Variants in FAT2 observed in about 807,000 individuals in gnomAD.
FAT2 encodes protocadherin Fat 2.
Under a neutral mutation model 295.3 loss-of-function variants are expected in FAT2, and 150 were observed. The ratio of observed to expected loss-of-function variants is 0.51; its 90% CI spans 0.44 to 0.58. The LOEUF is 0.58. Ranked by LOEUF, FAT2 falls within the 20% of genes least tolerant of loss-of-function variation. The pLI is 0.00. For missense variants in FAT2, 4,868 were observed against 5,442.7 expected (o/e 0.89, Z 3.32); for synonymous variants, 2,026 against 2,150.3 (o/e 0.94, Z 1.60).
Position 151,510,047 on chromosome 5 carries a change from G to C in FAT2, c.12033C>G (p.Asn4011Lys). The C allele has an allele frequency of 6.2e-7, 1 of 1,614,140 alleles. No individual in the cohort carries two copies. The highest frequency in any genetic ancestry group is 8.5e-7 in the Non-Finnish European group (1 of 1,180,020). The change falls in exon 22 of 24, where the codon AAC (asparagine) becomes AAG (lysine). Residue 4011 changes from asparagine (N) to lysine (K), a missense_variant. Coordinates refer to ENST00000261800, the MANE Select transcript of FAT2 (RefSeq NM_001447.3). ...CILSPKGASC[N>K]CPHPYTGDRC... Reference sequence around the variant, plus strand: ...TGTCTCCTGTGTAAGGATGAGGGCAGTTACAGGAAGCTCCTTTGGGGGAGA... The same window carrying C: ...TGTCTCCTGTGTAAGGATGAGGGCACTTACAGGAAGCTCCTTTGGGGGAGA...
chr5:151,529,817 A>C (rs574826492), intron 14 of FAT2, among the ~76,000 whole-genome samples: 1 of 152,330 alleles, frequency 6.6e-6, no homozygotes, highest in East Asian at 1.9e-4. Flanking sequence ...TCAGGGCATA[A>C]AATGAGATTC....
At chr5:151,528,518 T>C (rs530946357) in intron 15 of FAT2, among the ~76,000 whole-genome samples, 1 of 152,326 alleles carries the variant, frequency 6.6e-6, no homozygotes, top group Admixed American at 6.5e-5. Context: ...AAAGGACTCA[T>C]GAAGCCCTGA....
At position 151,550,831 on chromosome 5, in the gene FAT2, G is replaced by A. The variant is rs752804582; in HGVS notation, c.4337C>T (p.Pro1446Leu). The change falls in exon 8 of 24, where the codon CCC (proline) becomes CTC (leucine). Residue 1446 changes from proline to leucine, a missense_variant. Pro to Leu is a moderately conservative substitution (Grantham distance 98). This residue lies in a region of FAT2 where 3,297 missense variants were observed against 3,669.4 expected (regional missense o/e 0.90). Transcript: ENST00000261800. Reference protein sequence around the residue: ...FMIANINHHRPQFLETRYEVR... With the variant: ...FMIANINHHRLQFLETRYEVR... ...TTCATAACGAGTTTCCAGAAACTGG[G>A]GCCGATGGTGGTTAATGTTGGCAAT... The A allele has an allele frequency of 6.2e-7, 1 of 1,613,510 alleles. No homozygotes were observed. Among genetic ancestry groups the A allele is most frequent in the African/African-American group, 1.3e-5 (1 of 74,858 alleles).
intron 1 of FAT2, among the ~76,000 whole-genome samples, chr5:151,590,947 G>A (rs1386306145): frequency 1.3e-5 from 2 of 152,212 alleles, no homozygotes; most frequent in African/African-American, 2.4e-5. Context: ...CCGATCCCCA[G>A]CCGCGGACTG....
Position 151,553,158 on chromosome 5 carries a change from G to T in FAT2, c.4156+19C>A, listed in dbSNP as rs2127626565. ...GATGGGAGGGGTTGGCCCTTGTTGG[G>T]CCCTAGGCCTTGCCTCACCTGAGAT... On this transcript the variant is annotated intron_variant, in intron 6 of 23. Coordinates refer to ENST00000261800, the MANE Select transcript of FAT2 (RefSeq NM_001447.3). 6.2e-7 allele frequency: 1 copy of T among 1,612,982 alleles called. No homozygotes were observed. The highest frequency in any genetic ancestry group is 8.5e-7 in the Non-Finnish European group (1 of 1,178,928).
At chr5:151,581,342 AG>A (rs570434994) in intron 1 of FAT2, among the ~76,000 whole-genome samples, 10 of 152,342 alleles carry the variant, frequency 6.6e-5, no homozygotes, top group African/African-American at 1.9e-4. Flanking sequence ...CAGGGACCTC[AG>A]CCCCTACTCC....
rs887335259 is a variant in FAT2 at position 151,505,391 on chromosome 5, A to G, written c.*174T>C. 25 of 742,530 alleles carry G rather than the reference A, an allele frequency of 3.4e-5. No individual in the cohort carries two copies. The highest frequency in any genetic ancestry group is 4.8e-5 in the Non-Finnish European group (22 of 460,058). 46.0% of individuals were successfully genotyped at this position (742,530 alleles called of 1,614,324 possible). ...GGAGCTCTATCCTCAGCTTCCCTCC[A>G]CCCTCAGGGACTAGGTGGGGGATTG... On this transcript the variant is annotated 3_prime_UTR_variant, in exon 24 of 24. Transcript: ENST00000261800.
intron 12 of FAT2, among the ~76,000 whole-genome samples, chr5:151,537,246 AAGG>A (rs368053710): frequency 5.3e-5 from 8 of 151,346 alleles, no homozygotes; most frequent in East Asian, 1.9e-4. Flanking sequence ...GAAGAAGAAA[AAGG>A]AGAATAATAA....
chr5:151,546,356 C>T lies in FAT2; in HGVS notation c.4790-19G>A. 1 of 1,595,474 alleles carries T rather than the reference C, an allele frequency of 6.3e-7. No homozygotes were observed. The highest frequency in any genetic ancestry group is 8.5e-7 in the Non-Finnish European group (1 of 1,169,652). On this transcript the variant is annotated intron_variant, in intron 9 of 23. Transcript: ENST00000261800. ...CTGTTCCCTGAAACAGAAGACAAGA[C>T]AAACAAGTTTGCCACACCCTCGACA...
At chr5:151,577,141 T>C (rs376037635) in intron 1 of FAT2, among the ~76,000 whole-genome samples, 69 of 152,344 alleles carry the variant, frequency 4.5e-4, no homozygotes, top group Admixed American at 1.7e-3. Context: ...ATTTTTAATT[T>C]ATGACTTCAT....
In FAT2 at chr5:151,566,721, T is replaced by C; in HGVS notation, c.2211A>G (p.Leu737=). The change falls in exon 2 of 24, where the codon CTA becomes CTG. Residue 737 remains leucine, a synonymous_variant. Coordinates refer to ENST00000261800, the MANE Select transcript of FAT2 (RefSeq NM_001447.3). ...SVPINTPLAR[L]AATDPDAGFN... Reference sequence around the variant, plus strand: ...AACCAGCATCAGGGTCAGTGGCTGCTAGGCGGGCCAAGGGGGTGTTGATAG... The same window carrying C: ...AACCAGCATCAGGGTCAGTGGCTGCCAGGCGGGCCAAGGGGGTGTTGATAG... The C allele has an allele frequency of 6.2e-7, 1 of 1,614,140 alleles. No individual in the cohort carries two copies. The highest frequency in any genetic ancestry group is 8.5e-7 in the Non-Finnish European group (1 of 1,180,022).
Position 151,537,938 on chromosome 5 carries a change from A to G in FAT2, c.9048T>C (p.Tyr3016=), listed in dbSNP as rs761214567. ...DNSPQCSQLL[Y]TGKVHEDVFP... ...ATACATCTTCATGAACCTTGCCAGTATAGAGAAGCTAGAGATGGAAAGACA... is the reference window on the plus strand; with the variant it reads ...ATACATCTTCATGAACCTTGCCAGTGTAGAGAAGCTAGAGATGGAAAGACA... Residue 3016 remains tyrosine, a synonymous_variant, in exon 12 of 24, where the codon TAT becomes TAC. Transcript: ENST00000261800. 3 of 1,613,958 alleles carry G rather than the reference A, an allele frequency of 1.9e-6. No homozygotes were observed. Among genetic ancestry groups the G allele is most frequent in the South Asian group, 1.1e-5 (1 of 91,002 alleles).
intron 3 of FAT2, 38 bp from the exon 4 acceptor site, chr5:151,556,440 G>T: frequency 6.8e-7 from 1 of 1,475,368 alleles, no homozygotes; most frequent in South Asian, 1.2e-5. Context: ...ATGAGCAGAA[G>T]ACTTTCAGGG....
intron 22 of FAT2, among the ~76,000 whole-genome samples, 199 bp from the exon 23 acceptor site, chr5:151,507,810 A>C (rs925709844): frequency 6.6e-6 from 1 of 152,180 alleles, no homozygotes. Flanking sequence ...TCTCAGCTAC[A>C]TCCTCATTTG....
At position 151,521,511 on chromosome 5, in the gene FAT2, G is replaced by C; in HGVS notation, c.11082C>G (p.Tyr3694Ter). ...LVFEGHSGTF[Y>*]EFQELASIIT... is the part of the protein sequence containing the mutation. ...TGATGGATGCTAGCTCCTGAAACTC[G>C]TAGAAGGTTCCAGAATGCCCCTCAA... Residue 3694 changes from tyrosine (Y) to a stop codon, truncating the protein, a stop_gained, in exon 19 of 24, where the codon TAC (tyrosine) becomes TAG (stop). Transcript: ENST00000261800. LOFTEE classifies it high-confidence loss of function. 1 of 1,614,198 alleles carries C rather than the reference G, an allele frequency of 6.2e-7. No individual in the cohort carries two copies. The highest frequency in any genetic ancestry group is 8.5e-7 in the Non-Finnish European group (1 of 1,180,044).
intron 2 of FAT2, among the ~76,000 whole-genome samples, chr5:151,564,278 C>T (rs1299487514): frequency 1.3e-5 from 2 of 152,144 alleles, no homozygotes; most frequent in Non-Finnish European, 2.9e-5. Flanking sequence ...AGGGCGTGGC[C>T]CATGCTCACA....
chr5:151,546,692 C>T lies in FAT2; in HGVS notation c.4790-355G>A, dbSNP rs115923606. On this transcript the variant is annotated intron_variant, in intron 9 of 23. Coordinates refer to ENST00000261800, the MANE Select transcript of FAT2 (RefSeq NM_001447.3). ...TTGTAGGAAAAGCTTCAGTTTGCAT[C>T]ATACAGAATTTTTAACCATCTTTTG... 9.6e-3 allele frequency among the ~76,000 whole-genome samples: 1,464 copies of T among 152,110 alleles called. 21 individuals are homozygous for T. Among genetic ancestry groups the T allele is most frequent in the African/African-American group, 0.034 (1,401 of 41,508 alleles).
At position 151,522,065 on chromosome 5, in the gene FAT2, G is replaced by A; in HGVS notation, c.10528C>T (p.Pro3510Ser). 1 of 1,596,546 alleles carries A rather than the reference G, an allele frequency of 6.3e-7. No homozygotes were observed. Among genetic ancestry groups the A allele is most frequent in the African/African-American group, 1.3e-5 (1 of 74,726 alleles). Residue 3510 changes from proline (P) to serine (S), a missense_variant, in exon 19 of 24, where the codon CCC becomes TCC. Pro to Ser is a moderately conservative substitution (Grantham distance 74). Around this residue, in one of 5 missense-constraint regions of FAT2, gnomAD observed 1,046 missense variants for 1,210.1 expected, o/e 0.86. Transcript: ENST00000261800. The part of the protein sequence containing the change: ...QIQASDSGIP[P>S]LSSLTSVRVH... ...CGGACAGACGTCAAAGACGAGAGGG[G>A]AGGGATGCCACTGTCTGACGCCTGT...
chr5:151,534,951 G>A lies in FAT2; in HGVS notation c.9194-309C>T, dbSNP rs180895215. ...ATAAAATGCATTTATCCTTTGGTTC[G>A]TAATTCCACTTCTAGGAAAATATAT... On this transcript the variant is annotated intron_variant, in intron 12 of 23. Transcript: ENST00000261800. Among the ~76,000 whole-genome samples, 550 of 107,216 alleles carry A rather than the reference G, an allele frequency of 5.1e-3. 4 individuals carry two copies. Among genetic ancestry groups the A allele is most frequent in the African/African-American group, 0.016 (533 of 32,580 alleles). 70.3% of individuals were successfully genotyped at this position (107,216 alleles called of 152,430 possible). A position where few individuals can be genotyped will look rare whatever the true frequency, so the allele number is the denominator to read the frequency against.
Sources: gnomAD v4.1 joint callset for allele counts (sites outside exome capture counted in the v4.1 genomes callset) on GRCh38, gnomAD v4.1.1 for gene constraint, gnomAD v4.1.1 regional missense constraint, MANE v1.5 for transcripts, NCBI Gene and HGNC (gene_info 2026-07-23, HGNC 2026-07-21) for gene names.